Variants in SPATA12 observed in about 807,000 individuals in gnomAD.
SPATA12 encodes spermatogenesis-associated protein 12.
For synonymous variants in SPATA12, 85 were observed against 89.2 expected, an observed-to-expected ratio of 0.95 and a Z score of 0.26; for missense variants, 219 against 226.4, an observed-to-expected ratio of 0.97 and a Z score of 0.21.
chr3:57,066,166 T>C (rs1463162408), intron 1 of SPATA12, among the ~76,000 whole-genome samples: 1 of 152,162 alleles, frequency 6.6e-6, no homozygotes, highest in Non-Finnish European at 1.5e-5. Context: ...AGGGAGGGAC[T>C]TATTTTGCAG....
At chr3:57,067,538 T>C (rs968821793) in intron 1 of SPATA12, among the ~76,000 whole-genome samples, 2 of 149,854 alleles carry the variant, frequency 1.3e-5, no homozygotes, top group Non-Finnish European at 3.0e-5. Flanking sequence ...ATATTTGTTT[T>C]CAAATGCAAC....
Position 57,074,174 on chromosome 3 carries a change from C to G in SPATA12, c.480C>G (p.Cys160Trp). Residue 160 changes from cysteine to tryptophan, a missense_variant, in exon 2 of 2, where the codon TGC becomes TGG. By Grantham distance (215) the Cys-to-Trp change is radical. Coordinates refer to ENST00000334325, the MANE Select transcript of SPATA12 (RefSeq NM_181727.2). Reference sequence around the variant, plus strand: ...ATGCCGAGCCCAGTAGCACAGGGTGCAGCCGTTCAAACCAACTGACATTTA... The same window carrying G: ...ATGCCGAGCCCAGTAGCACAGGGTGGAGCCGTTCAAACCAACTGACATTTA... ...DIDAEPSSTG[C>W]SRSNQLTFTE... 6.2e-7 allele frequency: 1 copy of G among 1,614,174 alleles called. No individual in the cohort carries two copies. Among genetic ancestry groups the G allele is most frequent in the Non-Finnish European group, 8.5e-7 (1 of 1,180,036 alleles).
At chr3:57,061,868 T>C (rs1303657957) in intron 1 of SPATA12, among the ~76,000 whole-genome samples, 5 of 152,116 alleles carry the variant, frequency 3.3e-5, no homozygotes, top group Admixed American at 6.6e-5. Context: ...GTGAGAGAGG[T>C]CCTCCTTCTC....
In SPATA12 at chr3:57,060,680, T is replaced by G. The variant is rs1158078546; in HGVS notation, c.-436T>G. 8 of 151,914 alleles carry G rather than the reference T, an allele frequency of 5.3e-5. No individual in the cohort carries two copies. 9.4% of individuals were successfully genotyped at this position (151,914 alleles called of 1,614,324 possible). A position where few individuals can be genotyped will look rare whatever the true frequency, so the allele number is the denominator to read the frequency against. The stretch of plus-strand genomic sequence containing the variant: ...GCCCTGCCCACAGTCACTGAGAAAA[T>G]TCTTTGTGCAGGCTCACCTTCCCCT... On this transcript the variant is annotated 5_prime_UTR_variant, in exon 1 of 2. Coordinates refer to ENST00000334325, the MANE Select transcript of SPATA12 (RefSeq NM_181727.2).
chr3:57,073,941 CAG>C lies in SPATA12; in HGVS notation c.251_252del (p.Arg84IlefsTer9). Reference sequence around the variant, plus strand: ...GGATGTGTGCCAAAGTGAGACCTGTCAGAGATATTTACAAGCAGCCATCTCTC... The same window carrying C: ...GGATGTGTGCCAAAGTGAGACCTGTCAGATATTTACAAGCAGCCATCTCTC... The part of the protein sequence containing the change: ...QGDVCQSETC[Q>X]RYLQAAISLD... On this transcript the variant is annotated frameshift_variant, in exon 2 of 2. Transcript: ENST00000334325. LOFTEE classifies it low-confidence loss of function (END_TRUNC). 6.2e-7 allele frequency: 1 copy of C among 1,614,172 alleles called. No homozygotes were observed.
At chr3:57,072,928 C>T (rs1706004820) in intron 1 of SPATA12, among the ~76,000 whole-genome samples, 1 of 152,094 alleles carries the variant, frequency 6.6e-6, no homozygotes, top group Non-Finnish European at 1.5e-5. Context: ...CGCCTGTAAT[C>T]CCAGCTACTC....
At chr3:57,061,605 T>C (rs1476739010) in intron 1 of SPATA12, among the ~76,000 whole-genome samples, 1 of 152,244 alleles carries the variant, frequency 6.6e-6, no homozygotes, top group Admixed American at 6.5e-5. Flanking sequence ...AACATGGGAA[T>C]GCAAGTATCT....
intron 1 of SPATA12, among the ~76,000 whole-genome samples, chr3:57,067,419 C>A (rs1705605873): frequency 6.6e-6 from 1 of 150,592 alleles, no homozygotes; most frequent in South Asian, 2.1e-4. Flanking sequence ...TGCGCCACTG[C>A]ACTCCAGCCT....
At chr3:57,063,746 C>T (rs1266030858) in intron 1 of SPATA12, among the ~76,000 whole-genome samples, 1 of 152,080 alleles carries the variant, frequency 6.6e-6, no homozygotes, top group Non-Finnish European at 1.5e-5. Flanking sequence ...GAGAACAGGC[C>T]ATTGGGATGA....
In SPATA12 at chr3:57,071,731, A is replaced by G. The variant is rs529758183; in HGVS notation, c.-329-1635A>G. Among the ~76,000 whole-genome samples the G allele has an allele frequency of 2.6e-5, 4 of 152,232 alleles. No individual in the cohort carries two copies. In the East Asian group the frequency reaches 5.8e-4, roughly 22 times the overall value. The stretch of plus-strand genomic sequence containing the variant: ...TGCATCAGGCAAAGGTTTCTTACGT[A>G]TGACACCAAAAGCACAGGAAACCCA... On this transcript the variant is annotated intron_variant, in intron 1 of 1. Transcript: ENST00000334325.
intron 1 of SPATA12, among the ~76,000 whole-genome samples, chr3:57,067,613 T>A (rs1348565770): frequency 6.7e-6 from 1 of 150,218 alleles, no homozygotes; most frequent in Non-Finnish European, 1.5e-5. Context: ...GGCCAGAAAA[T>A]CACATGAGGC....
At chr3:57,066,762 T>C (rs753305111) in intron 1 of SPATA12, among the ~76,000 whole-genome samples, 2 of 152,234 alleles carry the variant, frequency 1.3e-5, no homozygotes, top group Admixed American at 6.5e-5. Flanking sequence ...TTCTCCATGA[T>C]GTGGTGGGCT....
chr3:57,070,344 T>G (rs1676285564), intron 1 of SPATA12, among the ~76,000 whole-genome samples: 1 of 152,198 alleles, frequency 6.6e-6, no homozygotes, highest in African/African-American at 2.4e-5. Flanking sequence ...AAGCCTTAAA[T>G]TAGACACTAC....
At chr3:57,068,738 A>G (rs1579212250) in intron 1 of SPATA12, among the ~76,000 whole-genome samples, 1 of 152,038 alleles carries the variant, frequency 6.6e-6, no homozygotes, top group South Asian at 2.1e-4. Flanking sequence ...GAAGCGCCAA[A>G]CCTCAACTGT....
At chr3:57,063,415 G>A (rs1705342468) in intron 1 of SPATA12, among the ~76,000 whole-genome samples, 1 of 152,208 alleles carries the variant, frequency 6.6e-6, no homozygotes, top group Non-Finnish European at 1.5e-5. Context: ...CTGAAAGGAG[G>A]TAAAGGCAGA....
At chr3:57,064,400 T>TGCA (rs1040684251) in intron 1 of SPATA12, among the ~76,000 whole-genome samples, 1 of 152,034 alleles carries the variant, frequency 6.6e-6, no homozygotes, top group Non-Finnish European at 1.5e-5. Context: ...CACGGCTCAC[T>TGCA]GCAGCCTCAA....
rs955701462 is a variant in SPATA12, at chr3:57,075,043, A to T, written c.*776A>T. On this transcript the variant is annotated 3_prime_UTR_variant, in exon 2 of 2. Coordinates refer to ENST00000334325, the MANE Select transcript of SPATA12 (RefSeq NM_181727.2). ...TCCAGTGCTCAGGAGTTGACTGGCC[A>T]CACTGGGGAGTTTGACCACAACATT... is the stretch of plus-strand genomic sequence containing the variant. The T allele has an allele frequency of 6.0e-6, 1 of 167,130 alleles. No homozygotes were observed. Among genetic ancestry groups the T allele is most frequent in the African/African-American group, 2.4e-5 (1 of 41,448 alleles). The allele number at this position is 167,130 out of a possible 1,614,324, so 10.4% of individuals were successfully genotyped here. A position where few individuals can be genotyped will look rare whatever the true frequency, so the allele number is the denominator to read the frequency against.
At chr3:57,072,535 G>A (rs1454019343) in intron 1 of SPATA12, among the ~76,000 whole-genome samples, 6 of 151,760 alleles carry the variant, frequency 4.0e-5, no homozygotes, top group African/African-American at 1.5e-4. Flanking sequence ...GAGCTCAGGG[G>A]TTCAAGACCA....
chr3:57,065,448 A>T (rs1451623146), intron 1 of SPATA12, among the ~76,000 whole-genome samples: 1 of 152,072 alleles, frequency 6.6e-6, no homozygotes, highest in Non-Finnish European at 1.5e-5. Context: ...GCAACAGAGC[A>T]GGACTCCATC....
Sources: allele counts gnomAD v4.1 joint callset (sites outside exome capture counted in the v4.1 genomes callset), GRCh38; gene constraint gnomAD v4.1.1; transcripts MANE v1.5; gene names NCBI Gene and HGNC (gene_info 2026-07-23, HGNC 2026-07-21).